Variants in DLC1 observed in about 807,000 individuals in gnomAD.
The protein encoded by DLC1 is rho GTPase-activating protein 7.
DLC1 carries 54 observed loss-of-function variants against 140.3 expected under a neutral mutation model. That is an observed-to-expected ratio of 0.38 (90% CI 0.31 to 0.48). The LOEUF (loss-of-function observed/expected upper bound fraction) is 0.48. DLC1 is among the 20% of genes least tolerant of loss of function. The probability of loss-of-function intolerance (pLI) is 0.96; values close to 1 mark genes in which losing one functional copy is unlikely to be tolerated. For synonymous variants in DLC1, 986 were observed against 728.1 expected (o/e 1.35, Z -5.70); for missense variants, 2,536 against 1,907.0 (o/e 1.33, Z -6.14).
chr8:13,342,260 C>T (rs1191112399), intron 4 of DLC1: 2 of 152,120 alleles, frequency 1.3e-5, no homozygotes, highest in African/African-American at 4.8e-5. Context: ...CCTCCTATTT[C>T]AGGAAAAAGT....
chr8:13,413,403 T>C (rs28473663), intron 2 of DLC1, among the ~76,000 whole-genome samples: 113 of 151,716 alleles, frequency 7.4e-4, no homozygotes, highest in African/African-American at 2.7e-3. Context: ...AAATCCTTAA[T>C]ATATTTCTCT....
chr8:13,234,476 C>T (rs1475499410), intron 5 of DLC1, among the ~76,000 whole-genome samples: 1 of 152,064 alleles, frequency 6.6e-6, no homozygotes, highest in Non-Finnish European at 1.5e-5. Context: ...CTTAATTTGT[C>T]TTCTGTTTTG....
chr8:13,133,437 C>A (rs1321761482), intron 5 of DLC1: 29 of 445,020 alleles, frequency 6.5e-5, no homozygotes, highest in Non-Finnish European at 8.7e-5. Flanking sequence ...CATTCCCAGG[C>A]TCCGCCCCCC....
intron 5 of DLC1, among the ~76,000 whole-genome samples, chr8:13,230,289 A>C (rs1355457985): frequency 1.3e-5 from 2 of 152,254 alleles, no homozygotes; most frequent in South Asian, 4.1e-4. Context: ...GCAAGTAAAA[A>C]GGGTAGCAGC....
chr8:13,331,560 T>G (rs2116945530), intron 4 of DLC1, among the ~76,000 whole-genome samples: 1 of 152,282 alleles, frequency 6.6e-6, no homozygotes, highest in South Asian at 2.1e-4. Flanking sequence ...TTTTGTCACA[T>G]AGCTGAATTC....
intron 1 of DLC1, among the ~76,000 whole-genome samples, chr8:13,534,235 T>C (rs965285223): frequency 3.3e-5 from 5 of 152,198 alleles, no homozygotes; most frequent in African/African-American, 1.2e-4. Flanking sequence ...CAGTTCACTG[T>C]ACCTCCTCCC....
Position 13,401,667 on chromosome 8 carries a change from A to T in DLC1, c.1024-48T>A, listed in dbSNP as rs757548645. The T allele has an allele frequency of 4.4e-6, 7 of 1,582,924 alleles. No homozygotes were observed. The Admixed American group carries it at 7.2e-5, about 16-fold the overall frequency. ...ACTGAATCTGAAAGGCCATTTCTTAATAAGAATAAAAAGTTCCCTGTTCTT... is the reference window on the plus strand; with the variant it reads ...ACTGAATCTGAAAGGCCATTTCTTATTAAGAATAAAAAGTTCCCTGTTCTT... On this transcript the variant is annotated intron_variant, in intron 2 of 17. Transcript: ENST00000276297.
intron 6 of DLC1, among the ~76,000 whole-genome samples, chr8:13,112,124 C>G (rs889838868): frequency 6.6e-6 from 1 of 151,950 alleles, no homozygotes; most frequent in Non-Finnish European, 1.5e-5. Context: ...GCACTTCAGC[C>G]TGGATGACAG....
chr8:13,492,597 T>A (rs1801308898), intron 2 of DLC1, among the ~76,000 whole-genome samples: 6 of 151,938 alleles, frequency 3.9e-5, no homozygotes, highest in African/African-American at 1.2e-4. Context: ...ACAGAAGCCC[T>A]GCTTGGAATC....
chr8:13,180,771 A>T (rs1388698106), intron 5 of DLC1, among the ~76,000 whole-genome samples: 1 of 152,214 alleles, frequency 6.6e-6, no homozygotes, highest in Non-Finnish European at 1.5e-5. Flanking sequence ...AACCAAAACC[A>T]TCACATGAAA....
chr8:13,091,264 T>G (rs1818045328), intron 14 of DLC1, 54 bp downstream of exon 14: 1 of 1,573,656 alleles, frequency 6.4e-7, no homozygotes, highest in Admixed American at 1.7e-5. Context: ...GCCTAAGATT[T>G]TGTACCTATT....
chr8:13,510,304 G>T (rs1277149884), intron 1 of DLC1, among the ~76,000 whole-genome samples: 1 of 151,848 alleles, frequency 6.6e-6, no homozygotes, highest in Non-Finnish European at 1.5e-5. Flanking sequence ...CTCCTGAGCA[G>T]CTGGGATTAC....
intron 1 of DLC1, among the ~76,000 whole-genome samples, chr8:13,539,268 C>G (rs1200222300): frequency 2.0e-5 from 3 of 152,066 alleles, no homozygotes; most frequent in African/African-American, 7.2e-5. Context: ...GGCGCAATCT[C>G]AGCTCACTGC....
chr8:13,518,517 C>T (rs560089787), upstream of DLC1, among the ~76,000 whole-genome samples: 1 of 152,322 alleles, frequency 6.6e-6, no homozygotes, highest in Admixed American at 6.5e-5. Context: ...ATCTGGACTT[C>T]TGTACAGAAT....
chr8:13,602,867 A>G (rs1318773988), intron 1 of DLC1, among the ~76,000 whole-genome samples: 1 of 151,956 alleles, frequency 6.6e-6, no homozygotes, highest in Non-Finnish European at 1.5e-5. Context: ...TATTGAGATG[A>G]AAGTATCTTC....
At chr8:13,187,408 G>T (rs921591570) in intron 5 of DLC1, among the ~76,000 whole-genome samples, 4 of 152,018 alleles carry the variant, frequency 2.6e-5, no homozygotes, top group Non-Finnish European at 5.9e-5. Flanking sequence ...GTCCCATTGG[G>T]GCAGAGATTG....
chr8:13,499,460 A>G lies in DLC1; in HGVS notation c.612T>C (p.Asp204=). 6.2e-7 allele frequency: 1 copy of G among 1,614,042 alleles called. No homozygotes were observed. Among genetic ancestry groups the G allele is most frequent in the Non-Finnish European group, 8.5e-7 (1 of 1,180,010 alleles). Reference sequence around the variant, plus strand: ...TATCCACTGCATTTACTTTGGGTGCATCTTTTATTTCACTTAAGCTTATTT... The same window carrying G: ...TATCCACTGCATTTACTTTGGGTGCGTCTTTTATTTCACTTAAGCTTATTT... ...CNEISLSEIK[D]APKVNAVDTL... The change falls in exon 2 of 18, where the codon GAT becomes GAC. Residue 204 remains aspartate (D), a synonymous_variant. Coordinates refer to ENST00000276297, the MANE Select transcript of DLC1 (RefSeq NM_182643.3).
At chr8:13,333,920 A>G (rs1334157205) in intron 4 of DLC1, among the ~76,000 whole-genome samples, 1 of 152,208 alleles carries the variant, frequency 6.6e-6, no homozygotes, top group Non-Finnish European at 1.5e-5. Flanking sequence ...CACCTTATAC[A>G]TACTGGGAAA....
At chr8:13,502,118 CA>C (rs1240454221) in intron 1 of DLC1, among the ~76,000 whole-genome samples, 1 of 152,122 alleles carries the variant, frequency 6.6e-6, no homozygotes, top group African/African-American at 2.4e-5. Flanking sequence ...AAGAATTACA[CA>C]AAAATTTTGC....
Sources: allele counts gnomAD v4.1 joint callset (sites outside exome capture counted in the v4.1 genomes callset), GRCh38; gene constraint gnomAD v4.1.1; transcripts MANE v1.5; gene names NCBI Gene and HGNC (gene_info 2026-07-23, HGNC 2026-07-21).